CYP7B1: variants seen among roughly 807,000 people sequenced by gnomAD.
The protein encoded by CYP7B1 is cytochrome P450 family 7 subfamily B member 1, also known as cytochrome P450 7B1.
A neutral mutation model predicts 42.7 loss-of-function variants in CYP7B1; 29 were observed. The observed-to-expected ratio is 0.68, with a 90% CI of 0.51 to 0.93. The LOEUF (loss-of-function observed/expected upper bound fraction) is 0.93, where lower values mean the gene tolerates loss of function less well. Among genes scored for constraint, CYP7B1 ranks in the 40% least tolerant of loss-of-function variants. The probability of loss-of-function intolerance (pLI) is 0.00; values close to 1 mark genes in which losing one functional copy is unlikely to be tolerated. For missense variants in CYP7B1, 655 were observed against 600.5 expected (o/e 1.09, Z -0.95); for synonymous variants, 235 against 218.2 (o/e 1.08, Z -0.68).
intron 1 of CYP7B1, among the ~76,000 whole-genome samples, chr8:64,747,554 C>A (rs1807662773): frequency 6.6e-6 from 1 of 151,472 alleles, no homozygotes; most frequent in Non-Finnish European, 1.5e-5. Flanking sequence ...ATTGAAAAAA[C>A]CATAAGGAGG....
chr8:64,782,789 C>G (rs543053800), intron 1 of CYP7B1, among the ~76,000 whole-genome samples: 1 of 152,126 alleles, frequency 6.6e-6, no homozygotes, highest in Admixed American at 6.6e-5. Flanking sequence ...TCCCATGAAT[C>G]ATTAAATGGT....
At chr8:64,728,810 G>A (rs903755224) in intron 1 of CYP7B1, 4 of 152,128 alleles carry the variant, frequency 2.6e-5, no homozygotes, top group African/African-American at 9.7e-5. Context: ...TTCTTAAATT[G>A]TTTATAATGC....
chr8:64,725,522 C>T (rs1221781765), intron 1 of CYP7B1, among the ~76,000 whole-genome samples: 1 of 152,196 alleles, frequency 6.6e-6, no homozygotes, highest in African/African-American at 2.4e-5. Flanking sequence ...AAATCCTTCT[C>T]CCTGACTCTT....
chr8:64,647,836 C>T (rs926142818), intron 1 of CYP7B1, among the ~76,000 whole-genome samples: 45 of 152,156 alleles, frequency 3.0e-4, no homozygotes, highest in African/African-American at 1.1e-3. Context: ...TCCAGGAACA[C>T]CCTTACAGAC....
intron 1 of CYP7B1, among the ~76,000 whole-genome samples, chr8:64,721,350 T>C (rs1807233081): frequency 6.6e-6 from 1 of 152,186 alleles, no homozygotes. Flanking sequence ...CATATAGATA[T>C]CATTTTTTCC....
chr8:64,792,417 C>G (rs761836268), intron 1 of CYP7B1, among the ~76,000 whole-genome samples: 1 of 152,168 alleles, frequency 6.6e-6, no homozygotes, highest in Non-Finnish European at 1.5e-5. Context: ...GGAAACAGTG[C>G]TCTGCATAGA....
intron 1 of CYP7B1, among the ~76,000 whole-genome samples, chr8:64,795,467 T>C (rs982317065): frequency 1.3e-5 from 2 of 152,222 alleles, no homozygotes; most frequent in African/African-American, 2.4e-5. Context: ...CAAATATGTA[T>C]CCTGCCTGGA....
intron 1 of CYP7B1, among the ~76,000 whole-genome samples, chr8:64,630,622 C>A (rs1472182359): frequency 6.6e-6 from 1 of 152,238 alleles, no homozygotes; most frequent in Non-Finnish European, 1.5e-5. Flanking sequence ...GGTCTGAAGG[C>A]CCTCTTCATC....
chr8:64,642,768 G>A (rs1451024534), intron 1 of CYP7B1, among the ~76,000 whole-genome samples: 9 of 152,032 alleles, frequency 5.9e-5, no homozygotes, highest in Non-Finnish European at 1.5e-5. Context: ...CAGAAGTAAA[G>A]CACCAGGTGG....
At chr8:64,709,469 A>C (rs77339438) in intron 1 of CYP7B1, among the ~76,000 whole-genome samples, 1 of 152,236 alleles carries the variant, frequency 6.6e-6, no homozygotes, top group Non-Finnish European at 1.5e-5. Flanking sequence ...ATGTATATAT[A>C]GTCATTCAAG....
chr8:64,616,262 G>T lies in CYP7B1; in HGVS notation c.279C>A (p.Ile93=). Residue 93 remains isoleucine, a synonymous_variant, in exon 3 of 6, where the codon ATC becomes ATA. Transcript: ENST00000310193. ...CTAGCTGGTACTGGAAGGGGTCCAG[G>T]ATAAATGTTATGTACTTTCCTAGAA... ...VLLGGKYITF[I]LDPFQYQLVI... 6.3e-7 allele frequency: 1 copy of T among 1,596,504 alleles called. No homozygotes were observed. The highest frequency in any genetic ancestry group is 8.5e-7 in the Non-Finnish European group (1 of 1,170,124).
At chr8:64,671,760 G>A (rs1340317675) in intron 1 of CYP7B1, among the ~76,000 whole-genome samples, 1 of 151,966 alleles carries the variant, frequency 6.6e-6, no homozygotes, top group Non-Finnish European at 1.5e-5. Context: ...ATACACACAC[G>A]TATATATCTC....
chr8:64,686,081 C>T (rs570467372), intron 1 of CYP7B1, among the ~76,000 whole-genome samples: 63 of 125,742 alleles, frequency 5.0e-4, no homozygotes, highest in African/African-American at 1.6e-3. Flanking sequence ...CCCGGCCAGC[C>T]GCCCCGTCCG....
At chr8:64,783,541 CTTT>C (rs34281051) in intron 1 of CYP7B1, among the ~76,000 whole-genome samples, 12 of 142,954 alleles carry the variant, frequency 8.4e-5, no homozygotes, top group Non-Finnish European at 1.1e-4. Context: ...TTCCATACTA[CTTT>C]TTTTTTTTTT....
At chr8:64,677,863 CATT>C (rs1174533894) in intron 1 of CYP7B1, among the ~76,000 whole-genome samples, 2 of 151,926 alleles carry the variant, frequency 1.3e-5, no homozygotes, top group South Asian at 2.1e-4. Context: ...TAGGTGTTCT[CATT>C]GTTGTTATTA....
intron 1 of CYP7B1, among the ~76,000 whole-genome samples, chr8:64,646,722 T>G (rs900325206): frequency 1.3e-5 from 2 of 152,214 alleles, no homozygotes; most frequent in African/African-American, 4.8e-5. Flanking sequence ...AGCTTTACCT[T>G]GTACTTCTAT....
intron 5 of CYP7B1, among the ~76,000 whole-genome samples, chr8:64,601,950 AT>A (rs2129629874): frequency 1.3e-5 from 2 of 152,274 alleles, no homozygotes; most frequent in African/African-American, 4.8e-5. Context: ...TATTTGATCT[AT>A]TTAGGCCCAG....
At chr8:64,774,592 T>G (rs925986472) in intron 1 of CYP7B1, among the ~76,000 whole-genome samples, 2 of 152,144 alleles carry the variant, frequency 1.3e-5, no homozygotes, top group African/African-American at 4.8e-5. Flanking sequence ...CTTGAATTAA[T>G]AGAACACATA....
At chr8:64,738,380 A>G (rs1807521176) in intron 1 of CYP7B1, among the ~76,000 whole-genome samples, 2 of 152,200 alleles carry the variant, frequency 1.3e-5, no homozygotes, top group Non-Finnish European at 2.9e-5. Context: ...AATCTTCTCA[A>G]AGAAACTACT....
Sources: allele counts gnomAD v4.1 joint callset (sites outside exome capture counted in the v4.1 genomes callset), GRCh38; gene constraint gnomAD v4.1.1; transcripts MANE v1.5; gene names NCBI Gene and HGNC (gene_info 2026-07-23, HGNC 2026-07-21).